Variants in DCLK1 observed in about 807,000 individuals in gnomAD.
DCLK1 encodes doublecortin like kinase 1.
DCLK1 carries 16 observed loss-of-function variants against 86.2 expected under a neutral mutation model. The ratio of observed to expected loss-of-function variants is 0.19; its 90% confidence interval spans 0.13 to 0.28. DCLK1 has a LOEUF of 0.28. Among genes scored for constraint, DCLK1 ranks in the 10% least tolerant of loss-of-function variants. The probability of loss-of-function intolerance (pLI) is 1.00; values close to 1 mark genes in which losing one functional copy is unlikely to be tolerated. For missense variants in DCLK1, 590 were observed against 940.2 expected (o/e 0.63, Z 4.87); for synonymous variants, 369 against 370.5 (o/e 1.00, Z 0.05).
rs960196457 is a variant in DCLK1 at position 36,126,048 on chromosome 13, C to T, written c.90G>A (p.Leu30=). Residue 30 remains leucine (L), a synonymous_variant, in exon 2 of 17, where the codon CTG becomes CTA. Coordinates refer to ENST00000360631, the MANE Select transcript of DCLK1 (RefSeq NM_001330071.2). ...AGTGGGCGCTGTGCGTCGGGCTCGGCAGGCCGTTCACCCGCGACCCTCGGC... is the reference window on the plus strand; with the variant it reads ...AGTGGGCGCTGTGCGTCGGGCTCGGTAGGCCGTTCACCCGCGACCCTCGGC... ...RYSRGSRVNG[L]PSPTHSAHCS... The T allele has an allele frequency of 1.5e-5, 24 of 1,613,390 alleles. No homozygotes were observed. The highest frequency in any genetic ancestry group is 1.9e-5 in the Non-Finnish European group (23 of 1,180,008).
At chr13:36,095,187 T>TG (rs763738185) in intron 3 of DCLK1, among the ~76,000 whole-genome samples, 8,485 of 115,734 alleles carry the variant, frequency 0.073, 180 homozygotes, top group African/African-American at 0.14. Flanking sequence ...TTTTTTTTTG[T>TG]TTTTTTTGTT....
chr13:36,043,777 T>A (rs1385062801), intron 3 of DCLK1, among the ~76,000 whole-genome samples: 2 of 152,168 alleles, frequency 1.3e-5, no homozygotes, highest in Admixed American at 1.3e-4. Context: ...GTATAAAACA[T>A]CATAAGTGAG....
chr13:35,995,233 C>T (rs1430494450), intron 3 of DCLK1, among the ~76,000 whole-genome samples: 13 of 152,140 alleles, frequency 8.5e-5, no homozygotes, highest in African/African-American at 2.7e-4. Context: ...CTCATCTTTT[C>T]CAATATCATA....
At chr13:35,979,298 G>C (rs1019617852) in intron 3 of DCLK1, among the ~76,000 whole-genome samples, 3 of 152,150 alleles carry the variant, frequency 2.0e-5, no homozygotes, top group Non-Finnish European at 2.9e-5. Context: ...AGACCCGGCC[G>C]GGGAAGGACT....
At chr13:36,042,703 C>T (rs549653558) in intron 3 of DCLK1, among the ~76,000 whole-genome samples, 1 of 152,274 alleles carries the variant, frequency 6.6e-6, no homozygotes, top group East Asian at 1.9e-4. Context: ...CTCTAGTAGG[C>T]ATCTAATGGA....
At chr13:35,826,487 C>T (rs1297463346) in intron 10 of DCLK1, among the ~76,000 whole-genome samples, 36 of 130,886 alleles carry the variant, frequency 2.8e-4, no homozygotes, top group African/African-American at 1.0e-3. Flanking sequence ...CGTGCCATTG[C>T]ATTCCAGCCT....
At chr13:36,012,280 C>G (rs1216511615) in intron 3 of DCLK1, among the ~76,000 whole-genome samples, 1 of 146,324 alleles carries the variant, frequency 6.8e-6, no homozygotes, top group Non-Finnish European at 1.5e-5. Flanking sequence ...ATGATGTTAG[C>G]TGGTGATTTT....
At chr13:36,087,966 TAGGA>T (rs1884672106) in intron 3 of DCLK1, among the ~76,000 whole-genome samples, 1 of 152,216 alleles carries the variant, frequency 6.6e-6, no homozygotes, top group Non-Finnish European at 1.5e-5. Context: ...CCCATGAGCA[TAGGA>T]TGCTCTGGCT....
At chr13:35,780,613 G>T (rs544024232) in intron 16 of DCLK1, among the ~76,000 whole-genome samples, 1 of 152,296 alleles carries the variant, frequency 6.6e-6, no homozygotes, top group Admixed American at 6.5e-5. Flanking sequence ...GGGGAAGCTG[G>T]TAAAGAGAGA....
At chr13:35,774,729 C>G in intron 16 of DCLK1, 30 bp from the exon 17 acceptor site, 1 of 1,598,652 alleles carries the variant, frequency 6.3e-7, no homozygotes, top group South Asian at 1.1e-5. Context: ...AGAAAGAGGA[C>G]AATTAGGGCG....
intron 16 of DCLK1, among the ~76,000 whole-genome samples, chr13:35,785,751 A>G (rs1193284472): frequency 1.3e-5 from 2 of 152,106 alleles, no homozygotes; most frequent in Non-Finnish European, 2.9e-5. Context: ...AAACACAACA[A>G]TTGGGAGCAG....
Position 35,823,922 on chromosome 13 carries a change from G to A in DCLK1, c.1408-1047C>T, listed in dbSNP as rs577138460. On this transcript the variant is annotated intron_variant, in intron 10 of 16. Coordinates refer to ENST00000360631, the MANE Select transcript of DCLK1 (RefSeq NM_001330071.2). ...GACTTCTCTCACTGTCCCCCAAGCT[G>A]CAACGGTTCTCAAGCTAACCACACA... Among the ~76,000 whole-genome samples, 3 of 152,284 alleles carry A rather than the reference G, an allele frequency of 2.0e-5. 1 individual carries two copies. In the South Asian group the frequency reaches 6.2e-4, roughly 32 times the overall value.
intron 3 of DCLK1, among the ~76,000 whole-genome samples, chr13:36,108,905 C>T (rs1283311449): frequency 6.6e-6 from 1 of 152,162 alleles, no homozygotes; most frequent in Non-Finnish European, 1.5e-5. Flanking sequence ...AGTGCAGGTG[C>T]CACCCCACTA....
intron 1 of DCLK1, among the ~76,000 whole-genome samples, chr13:36,126,850 T>C (rs1886205415): frequency 6.6e-6 from 1 of 152,232 alleles, no homozygotes; most frequent in African/African-American, 2.4e-5. Flanking sequence ...TTCCAAAGTA[T>C]TGTCCTTCCT....
At chr13:35,983,011 G>T (rs564321477) in intron 3 of DCLK1, among the ~76,000 whole-genome samples, 21 of 152,060 alleles carry the variant, frequency 1.4e-4, no homozygotes, top group African/African-American at 4.8e-4. Context: ...TGATCCTCCC[G>T]CCATGGCCTC....
intron 4 of DCLK1, among the ~76,000 whole-genome samples, chr13:35,889,945 A>G (rs1873537024): frequency 6.6e-6 from 1 of 152,224 alleles, no homozygotes; most frequent in African/African-American, 2.4e-5. Context: ...ATTATAAAAC[A>G]GTATAGTGTG....
intron 3 of DCLK1, among the ~76,000 whole-genome samples, chr13:35,984,418 G>A (rs1394371303): frequency 6.6e-6 from 1 of 152,206 alleles, no homozygotes; most frequent in Non-Finnish European, 1.5e-5. Context: ...GAGCCCAGAG[G>A]AGAAGTAATG....
chr13:35,799,606 T>G (rs1210489959), intron 15 of DCLK1, among the ~76,000 whole-genome samples: 1 of 152,138 alleles, frequency 6.6e-6, no homozygotes, highest in Non-Finnish European at 1.5e-5. Context: ...AAAACATAGA[T>G]TCATAAAATT....
chr13:35,848,194 A>T, intron 6 of DCLK1: 1 of 985,328 alleles, frequency 1.0e-6, no homozygotes, highest in Non-Finnish European at 1.2e-6. Context: ...TCAGTAGAAC[A>T]ATTTAAAAAT....
Sources: allele counts gnomAD v4.1 joint callset (sites outside exome capture counted in the v4.1 genomes callset), GRCh38; gene constraint gnomAD v4.1.1; transcripts MANE v1.5; gene names NCBI Gene and HGNC (gene_info 2026-07-23, HGNC 2026-07-21).